The following LRRC7 variants were observed in gnomAD, a reference collection of about 807,000 sequenced individuals.
LRRC7 encodes the protein leucine rich repeat containing 7, also known as leucine-rich repeat-containing protein 7.
A neutral mutation model predicts 175.7 loss-of-function variants in LRRC7; 23 were observed. The ratio of observed to expected loss-of-function variants is 0.13; its 90% CI spans 0.09 to 0.19. The LOEUF (loss-of-function observed/expected upper bound fraction) is 0.19. LRRC7 is among the 10% of genes least tolerant of loss of function. The pLI, the probability that LRRC7 is intolerant of heterozygous loss-of-function variation, is 1.00. For missense variants in LRRC7, 1,354 were observed against 1,904.7 expected (o/e 0.71, Z 5.38); for synonymous variants, 685 against 680.9 (o/e 1.01, Z -0.09).
intron 2 of LRRC7, among the ~76,000 whole-genome samples, chr1:69,706,840 A>G (rs189512635): frequency 1.0e-3 from 157 of 152,270 alleles, no homozygotes; most frequent in Middle Eastern, 6.8e-3. Flanking sequence ...CACACTACCT[A>G]TGTCATAGAG....
intron 23 of LRRC7, among the ~76,000 whole-genome samples, chr1:70,058,264 C>A (rs1661303532): frequency 6.6e-6 from 1 of 152,204 alleles, no homozygotes; most frequent in Middle Eastern, 3.2e-3. Flanking sequence ...CCCACCTCAG[C>A]TTCCCAAAGT....
chr1:69,907,187 A>G (rs1226576098), intron 7 of LRRC7, among the ~76,000 whole-genome samples: 4 of 152,176 alleles, frequency 2.6e-5, no homozygotes, highest in Non-Finnish European at 5.9e-5. Flanking sequence ...TTCTAAATAT[A>G]CAATCATGTC....
chr1:69,984,234 A>G (rs66724614), intron 9 of LRRC7, among the ~76,000 whole-genome samples: 8,677 of 152,090 alleles, frequency 0.057, 488 homozygotes, highest in African/African-American at 0.14. Context: ...GAGATTATAC[A>G]TTTCTAACAA....
intron 24 of LRRC7, 112 bp downstream of exon 24, chr1:70,076,410 T>G: frequency 1.1e-6 from 1 of 886,988 alleles, no homozygotes; most frequent in East Asian, 2.6e-5. Flanking sequence ...ATCACCATGT[T>G]GAATGGGGTA....
chr1:70,038,391 G>A lies in LRRC7; in HGVS notation c.2567G>A (p.Gly856Asp). The A allele has an allele frequency of 5.0e-6, 8 of 1,614,018 alleles. No homozygotes were observed. Among genetic ancestry groups the A allele is most frequent in the Non-Finnish European group, 6.8e-6 (8 of 1,179,988 alleles). ...RPLIRQDRIV[G>D]VPLELEQSTH... The stretch of plus-strand genomic sequence containing the variant: ...TTGATCAGGCAAGACAGGATTGTTG[G>A]TGTTCCCCTGGAACTCGAGCAGTCT... The change falls in exon 21 of 27, where the codon GGT becomes GAT. Residue 856 changes from glycine to aspartate, a missense_variant. By Grantham distance (94) the Gly-to-Asp change is moderately conservative. Around this residue, in one of 4 missense-constraint regions of LRRC7, gnomAD observed 1,032 missense variants for 1,227.2 expected, o/e 0.84. Coordinates refer to ENST00000651989, the MANE Select transcript of LRRC7 (RefSeq NM_001370785.2).
At chr1:70,091,487 T>G (rs541601809) in intron 25 of LRRC7, among the ~76,000 whole-genome samples, 1 of 152,276 alleles carries the variant, frequency 6.6e-6, no homozygotes, top group African/African-American at 2.4e-5. Context: ...CACCAGCATA[T>G]AAATCTTTTC....
At chr1:69,685,877 G>T (rs1661079193) in intron 2 of LRRC7, among the ~76,000 whole-genome samples, 1 of 151,072 alleles carries the variant, frequency 6.6e-6, no homozygotes, top group African/African-American at 2.4e-5. Context: ...AAGAAGCTGG[G>T]TCAACTCCAA....
At chr1:69,685,640 A>G (rs966413195) in intron 2 of LRRC7, among the ~76,000 whole-genome samples, 9 of 152,184 alleles carry the variant, frequency 5.9e-5, no homozygotes, top group African/African-American at 2.2e-4. Context: ...AAGAGATTAA[A>G]TGAATATGTA....
intron 15 of LRRC7, among the ~76,000 whole-genome samples, chr1:70,019,753 T>A (rs1657287319): frequency 6.6e-6 from 1 of 151,988 alleles, no homozygotes; most frequent in South Asian, 2.1e-4. Flanking sequence ...TAATATGTAT[T>A]TTTATAAGTC....
chr1:69,819,954 A>T (rs1278914059), intron 4 of LRRC7, among the ~76,000 whole-genome samples: 1 of 152,068 alleles, frequency 6.6e-6, no homozygotes. Flanking sequence ...AAGCACGTGT[A>T]GTTGGGTCAT....
Position 70,124,830 on chromosome 1 carries a change from G to C in LRRC7, c.*2943G>C, listed in dbSNP as rs142388829. 4.6e-3 allele frequency among the ~76,000 whole-genome samples: 695 copies of C among 152,012 alleles called. 2 individuals carry two copies. The highest frequency in any genetic ancestry group is 7.1e-3 in the Non-Finnish European group (482 of 67,982). ...ATGGCTCCAGTAGATTCTACCTCTT[G>C]GTCTTTAATTTTTATTGGACTGTTT... On this transcript the variant is annotated 3_prime_UTR_variant, in exon 27 of 27. Coordinates refer to ENST00000651989, the MANE Select transcript of LRRC7 (RefSeq NM_001370785.2).
chr1:69,780,754 T>A (rs1378078311), intron 3 of LRRC7, among the ~76,000 whole-genome samples: 3 of 152,286 alleles, frequency 2.0e-5, no homozygotes, highest in Non-Finnish European at 4.4e-5. Flanking sequence ...GAACTGAACA[T>A]CTTTAAAGGA....
rs1012414155 is a variant in LRRC7 at position 69,760,390 on chromosome 1, C to G, written c.300C>G (p.Pro100=). 1 of 1,612,024 alleles carries G rather than the reference C, an allele frequency of 6.2e-7. No homozygotes were observed. Among genetic ancestry groups the G allele is most frequent in the Non-Finnish European group, 8.5e-7 (1 of 1,178,652 alleles). The change falls in exon 3 of 27, where the codon CCC becomes CCG. Residue 100 remains proline (P), a synonymous_variant. Coordinates refer to ENST00000651989, the MANE Select transcript of LRRC7 (RefSeq NM_001370785.2). ...ATGCCAATCAAATTGAAGAACTACC[C>G]AAGGTAACTTTTGACAACCTAAAAT... is the stretch of plus-strand genomic sequence containing the variant. ...YLDANQIEEL[P]KQLFNCQALR...
chr1:69,795,781 C>T (rs896703178), intron 4 of LRRC7, among the ~76,000 whole-genome samples: 2 of 152,078 alleles, frequency 1.3e-5, no homozygotes, highest in Non-Finnish European at 2.9e-5. Context: ...AATTCTACTG[C>T]CTGTCATCCT....
At chr1:69,694,370 A>G (rs181594432) in intron 2 of LRRC7, among the ~76,000 whole-genome samples, 126 of 152,226 alleles carry the variant, frequency 8.3e-4, no homozygotes, top group Non-Finnish European at 2.2e-4. Flanking sequence ...TAATTCTCTA[A>G]TTGCTCTCAC....
At chr1:69,684,695 C>T (rs1660904779) in intron 2 of LRRC7, among the ~76,000 whole-genome samples, 1 of 151,980 alleles carries the variant, frequency 6.6e-6, no homozygotes, top group Admixed American at 6.6e-5. Context: ...CCCTGGACTG[C>T]ATACCAGAGA....
At chr1:69,934,502 GGGC>G (rs1237595537) in intron 8 of LRRC7, among the ~76,000 whole-genome samples, 128 of 58,102 alleles carry the variant, frequency 2.2e-3, no homozygotes, top group East Asian at 0.018. Context: ...GGCGGGGGGG[GGGC>G]GGGGGGTGGG....
At position 70,122,106 on chromosome 1, in the gene LRRC7, T is replaced by A. The variant is rs917720713; in HGVS notation, c.*219T>A. ...TTAGTTTTAATTGTCAGCCTCTGGCTGTGCATTGGTGCAGTTTTGTTTCTG... is the reference window on the plus strand; with the variant it reads ...TTAGTTTTAATTGTCAGCCTCTGGCAGTGCATTGGTGCAGTTTTGTTTCTG... On this transcript the variant is annotated 3_prime_UTR_variant, in exon 27 of 27. Coordinates refer to ENST00000651989, the MANE Select transcript of LRRC7 (RefSeq NM_001370785.2). The A allele has an allele frequency of 1.7e-4, 63 of 364,156 alleles. No homozygotes were observed. Among genetic ancestry groups the A allele is most frequent in the Admixed American group, 1.4e-3 (30 of 21,370 alleles). The allele number at this position is 364,156 out of a possible 1,614,324, so 22.6% of individuals were successfully genotyped here. A position where few individuals can be genotyped will look rare whatever the true frequency, so the allele number is the denominator to read the frequency against.
In LRRC7 at chr1:70,133,499, TACAC is replaced by T; in HGVS notation, c.*11614_*11617del. The stretch of plus-strand genomic sequence containing the variant: ...GCCTCCCAAAGTGCTGGGATGGCCT[TACAC>T]AGTCTGTTTTTATGCCCCTTGTGCT... On this transcript the variant is annotated 3_prime_UTR_variant, in exon 27 of 27. Coordinates refer to ENST00000651989, the MANE Select transcript of LRRC7 (RefSeq NM_001370785.2). Among the ~76,000 whole-genome samples the T allele has an allele frequency of 6.6e-6, 1 of 152,214 alleles. No individual in the cohort carries two copies. Among genetic ancestry groups the T allele is most frequent in the East Asian group, 1.9e-4 (1 of 5,180 alleles).
Sources: gnomAD v4.1 joint callset for allele counts (sites outside exome capture counted in the v4.1 genomes callset) on GRCh38, gnomAD v4.1.1 for gene constraint, gnomAD v4.1.1 regional missense constraint, MANE v1.5 for transcripts, NCBI Gene and HGNC (gene_info 2026-07-23, HGNC 2026-07-21) for gene names.